Variants in TP53INP1 observed in about 807,000 individuals in gnomAD.
TP53INP1 encodes the protein tumor protein p53 inducible nuclear protein 1, also known as tumor protein p53-inducible nuclear protein 1.
Under a neutral mutation model 21.0 loss-of-function variants are expected in TP53INP1, and 12 were observed. That is an observed-to-expected ratio of 0.57 (90% CI 0.37 to 0.93). The LOEUF (loss-of-function observed/expected upper bound fraction) is 0.93, where lower values mean the gene tolerates loss of function less well. TP53INP1 is among the 40% of genes least tolerant of loss of function. The probability of loss-of-function intolerance (pLI) is 0.01; values close to 1 mark genes in which losing one functional copy is unlikely to be tolerated. For synonymous variants in TP53INP1, 91 were observed against 94.8 expected, an observed-to-expected ratio of 0.96 and a Z score of 0.23; for missense variants, 274 against 294.7, an observed-to-expected ratio of 0.93 and a Z score of 0.51.
intron 1 of TP53INP1, among the ~76,000 whole-genome samples, chr8:94,941,646 AG>A (rs1284514088): frequency 7.2e-5 from 11 of 152,224 alleles, no homozygotes; most frequent in African/African-American, 2.4e-4. Flanking sequence ...TTTACACTGT[AG>A]GAAACTGAGC....
chr8:94,940,209 C>G lies in TP53INP1; in HGVS notation c.124G>C (p.Gly42Arg), dbSNP rs764377273. 2.5e-6 allele frequency: 4 copies of G among 1,609,958 alleles called. No individual in the cohort carries two copies. The highest frequency in any genetic ancestry group is 2.7e-5 in the African/African-American group (2 of 74,838). Reference protein sequence around the residue: ...ILVDFIDTCTGFSAEEEEEEE... With the variant: ...ILVDFIDTCTRFSAEEEEEEE... ...TCTTCTTCTTCTTCTGCTGAGAAAC[C>G]AGTGCAAGTATCTAGATCGTAGTCC... is the stretch of plus-strand genomic sequence containing the variant. Residue 42 changes from glycine (G) to arginine (R), a missense_variant, in exon 3 of 4, where the codon GGT becomes CGT. Coordinates refer to ENST00000342697, the MANE Select transcript of TP53INP1 (RefSeq NM_033285.4).
chr8:94,942,789 G>T (rs1184980323), intron 1 of TP53INP1, among the ~76,000 whole-genome samples: 1 of 152,176 alleles, frequency 6.6e-6, no homozygotes, highest in Non-Finnish European at 1.5e-5. Flanking sequence ...GGAGGAAGGG[G>T]GCAAAGGAAC....
rs34997272 is a variant in TP53INP1 at position 94,927,912 on chromosome 8, C to CA, written c.*2566dup. ...TGTAAACCACTAATATTTACAATAGCAAAAAAAAAAGCTCATAAAATGCAT... is the reference window on the plus strand; with the variant it reads ...TGTAAACCACTAATATTTACAATAGCAAAAAAAAAAAGCTCATAAAATGCAT... On this transcript the variant is annotated 3_prime_UTR_variant, in exon 4 of 4. Coordinates refer to ENST00000342697, the MANE Select transcript of TP53INP1 (RefSeq NM_033285.4). The CA allele has an allele frequency of 0.05, 7,506 of 148,782 alleles. 308 individuals are homozygous for CA. Among genetic ancestry groups the CA allele is most frequent in the African/African-American group, 0.11 (4,526 of 40,662 alleles). 9.2% of individuals were successfully genotyped at this position (148,782 alleles called of 1,614,324 possible).
In TP53INP1 at chr8:94,926,794, T is replaced by C. The variant is rs545502501; in HGVS notation, c.*3685A>G. 14 of 152,342 alleles carry C rather than the reference T, an allele frequency of 9.2e-5. No homozygotes were observed. Among genetic ancestry groups the C allele is most frequent in the African/African-American group, 2.9e-4 (12 of 41,576 alleles). The allele number at this position is 152,342 out of a possible 1,614,324, so 9.4% of individuals were successfully genotyped here. On this transcript the variant is annotated 3_prime_UTR_variant, in exon 4 of 4. Coordinates refer to ENST00000342697, the MANE Select transcript of TP53INP1 (RefSeq NM_033285.4). ...TCCACCCTAAACAGTTGAAATTTAA[T>C]TGGTCTCAAATTTCAAGTGAAACTG...
intron 1 of TP53INP1, among the ~76,000 whole-genome samples, chr8:94,943,989 A>G (rs776751699): frequency 2.0e-5 from 3 of 152,246 alleles, no homozygotes; most frequent in Non-Finnish European, 4.4e-5. Flanking sequence ...ATATTCCAAA[A>G]TAAGTTATCA....
chr8:94,932,167 CTT>C (rs1820474239), intron 3 of TP53INP1: 1 of 1,552,974 alleles, frequency 6.4e-7, no homozygotes, highest in East Asian at 2.3e-5. Flanking sequence ...GCTATTGTAA[CTT>C]TACTATTAGG....
intron 1 of TP53INP1, among the ~76,000 whole-genome samples, chr8:94,948,221 T>C (rs1822186003): frequency 6.6e-6 from 1 of 152,198 alleles, no homozygotes; most frequent in Admixed American, 6.5e-5. Flanking sequence ...AGCTGCCACT[T>C]TGAAATACAA....
At chr8:94,942,197 C>G (rs1057470896) in intron 1 of TP53INP1, among the ~76,000 whole-genome samples, 1 of 152,018 alleles carries the variant, frequency 6.6e-6, no homozygotes, top group African/African-American at 2.4e-5. Context: ...CCACCACATC[C>G]GGCTAATTTC....
Position 94,940,014 on chromosome 8 carries a change from C to T in TP53INP1, c.319G>A (p.Gly107Ser). ...FITPPPCFTA[G>S]GLTTIKVETS... ...TCCACCTTGATAGTGGTTAATCCAC[C>T]TGCAGTAAAACATGGGGGTGGGGTG... The change falls in exon 3 of 4, where the codon GGT becomes AGT. Residue 107 changes from glycine to serine, a missense_variant. Physicochemically the swap from Gly to Ser is moderately conservative, Grantham distance 56. Coordinates refer to ENST00000342697, the MANE Select transcript of TP53INP1 (RefSeq NM_033285.4). 1 of 1,614,156 alleles carries T rather than the reference C, an allele frequency of 6.2e-7. No individual in the cohort carries two copies.
chr8:94,948,372 C>A (rs751773244), intron 1 of TP53INP1, among the ~76,000 whole-genome samples: 6 of 152,150 alleles, frequency 3.9e-5, no homozygotes, highest in Non-Finnish European at 8.8e-5. Context: ...AAAGCAAAGC[C>A]CCCAGCATAG....
At position 94,941,061 on chromosome 8, in the gene TP53INP1, C is replaced by A; in HGVS notation, c.-120G>T. ...TAAAGTGCACAGGGTGCTTATTCAACTTAGGTGAAAAGCAAGAAGAGTCAT... is the reference window on the plus strand; with the variant it reads ...TAAAGTGCACAGGGTGCTTATTCAAATTAGGTGAAAAGCAAGAAGAGTCAT... On this transcript the variant is annotated 5_prime_UTR_variant, in exon 2 of 4. Coordinates refer to ENST00000342697, the MANE Select transcript of TP53INP1 (RefSeq NM_033285.4). 1.5e-6 allele frequency: 1 copy of A among 683,038 alleles called. No homozygotes were observed. The highest frequency in any genetic ancestry group is 2.5e-6 in the Non-Finnish European group (1 of 401,450). The allele number at this position is 683,038 out of a possible 1,614,324, so 42.3% of individuals were successfully genotyped here. A position where few individuals can be genotyped will look rare whatever the true frequency, so the allele number is the denominator to read the frequency against.
chr8:94,936,673 G>C (rs1821006166), intron 3 of TP53INP1, among the ~76,000 whole-genome samples: 1 of 152,102 alleles, frequency 6.6e-6, no homozygotes, highest in African/African-American at 2.4e-5. Context: ...GCTTCCATAG[G>C]GAGCACAACC....
At chr8:94,932,664 G>T (rs1436146268) in intron 3 of TP53INP1, among the ~76,000 whole-genome samples, 1 of 152,040 alleles carries the variant, frequency 6.6e-6, no homozygotes, top group Non-Finnish European at 1.5e-5. Context: ...TTAGCTGGGT[G>T]CGGTGGCGGG....
chr8:94,941,015 CCAATGGTACCGA>C lies in TP53INP1; in HGVS notation c.-86_-75del, dbSNP rs1821476477. 3 of 1,102,146 alleles carry C rather than the reference CCAATGGTACCGA, an allele frequency of 2.7e-6. No homozygotes were observed. In the East Asian group the frequency reaches 7.2e-5, roughly 26 times the overall value. The allele number at this position is 1,102,146 out of a possible 1,614,324, so 68.3% of individuals were successfully genotyped here. On this transcript the variant is annotated 5_prime_UTR_variant, in exon 2 of 4. Transcript: ENST00000342697. ...TTTCAAAACCTTGTCTTTAGTTGGC[CCAATGGTACCGA>C]CAGGAGATTAAAGTGCACAGGGTGC...
chr8:94,933,384 AGAAG>A (rs1820621014), intron 3 of TP53INP1, among the ~76,000 whole-genome samples: 2 of 150,204 alleles, frequency 1.3e-5, no homozygotes, highest in Middle Eastern at 3.4e-3. Flanking sequence ...ACCTTGAAAA[AGAAG>A]GAAGGAAGAA....
Position 94,940,018 on chromosome 8 carries a change from A to T in TP53INP1, c.315T>A (p.Thr105=). The change falls in exon 3 of 4, where the codon ACT becomes ACA. Residue 105 remains threonine, a synonymous_variant. Coordinates refer to ENST00000342697, the MANE Select transcript of TP53INP1 (RefSeq NM_033285.4). ...SWFITPPPCF[T]AGGLTTIKVE... ...CCTTGATAGTGGTTAATCCACCTGCAGTAAAACATGGGGGTGGGGTGATAA... is the reference window on the plus strand; with the variant it reads ...CCTTGATAGTGGTTAATCCACCTGCTGTAAAACATGGGGGTGGGGTGATAA... 1 of 1,614,214 alleles carries T rather than the reference A, an allele frequency of 6.2e-7. No individual in the cohort carries two copies. The highest frequency in any genetic ancestry group is 2.2e-5 in the East Asian group (1 of 44,886).
rs560402931 is a variant in TP53INP1 at position 94,928,461 on chromosome 8, A to C, written c.*2018T>G. The stretch of plus-strand genomic sequence containing the variant: ...AACAAACATCGTATAAAACATACAC[A>C]CCTTCATGGAAACTATCTTATCTCC... On this transcript the variant is annotated 3_prime_UTR_variant, in exon 4 of 4. Transcript: ENST00000342697. 3 of 152,640 alleles carry C rather than the reference A, an allele frequency of 2.0e-5. No individual in the cohort carries two copies. Among genetic ancestry groups the C allele is most frequent in the Admixed American group, 6.5e-5 (1 of 15,300 alleles). 9.5% of individuals were successfully genotyped at this position (152,640 alleles called of 1,614,324 possible).
intron 3 of TP53INP1, among the ~76,000 whole-genome samples, chr8:94,935,840 T>C (rs937153501): frequency 6.6e-6 from 1 of 152,198 alleles, no homozygotes; most frequent in African/African-American, 2.4e-5. Flanking sequence ...AAATGTTTTA[T>C]GAGAATGGAT....
At position 94,930,338 on chromosome 8, in the gene TP53INP1, G is replaced by C. The variant is rs1032240280; in HGVS notation, c.*141C>G. On this transcript the variant is annotated 3_prime_UTR_variant, in exon 4 of 4. Transcript: ENST00000342697. ...CACAGCATATAAATCTGATTTTCAA[G>C]ATAGTGTCTAAATACACTGATAAAA... The C allele has an allele frequency of 8.4e-7, 1 of 1,193,322 alleles. No individual in the cohort carries two copies. 73.9% of individuals were successfully genotyped at this position (1,193,322 alleles called of 1,614,324 possible).
Sources: allele counts gnomAD v4.1 joint callset (sites outside exome capture counted in the v4.1 genomes callset), GRCh38; gene constraint gnomAD v4.1.1; transcripts MANE v1.5; gene names NCBI Gene and HGNC (gene_info 2026-07-23, HGNC 2026-07-21).